The following MICALL2 variants were observed in gnomAD, a reference collection of about 807,000 sequenced individuals.
MICALL2 encodes the protein MICAL like 2.
In MICALL2, 111 loss-of-function variants were observed where a neutral mutation model predicts 91.1. That is an observed-to-expected ratio of 1.22 (90% CI 1.04 to 1.43). The LOEUF (loss-of-function observed/expected upper bound fraction) is 1.43. Among genes scored for constraint, MICALL2 ranks in the 40% most tolerant of loss-of-function variants. The probability of loss-of-function intolerance (pLI) is 0.00; values close to 1 mark genes in which losing one functional copy is unlikely to be tolerated. For missense variants in MICALL2, 1,556 were observed against 1,236.0 expected, an observed-to-expected ratio of 1.26 and a Z score of -3.88; for synonymous variants, 694 against 525.3, an observed-to-expected ratio of 1.32 and a Z score of -4.39.
At chr7:1,446,641 G>A (rs1413402198) in intron 5 of MICALL2, 72 bp downstream of exon 5, 4 of 1,131,670 alleles carry the variant, frequency 3.5e-6, no homozygotes, top group Admixed American at 2.0e-5. Context: ...CGGGTGGGAG[G>A]CGATGGGAGC....
At chr7:1,449,577 G>T (rs1167546509) in intron 2 of MICALL2, among the ~76,000 whole-genome samples, 1 of 152,284 alleles carries the variant, frequency 6.6e-6, no homozygotes, top group African/African-American at 2.4e-5. Flanking sequence ...CCCGTGCTGA[G>T]CAGGGCAGTG....
Position 1,448,779 on chromosome 7 carries a change from G to C in MICALL2, c.193-18C>G, listed in dbSNP as rs369554971. The C allele has an allele frequency of 1.0e-4, 161 of 1,611,128 alleles. 1 individual carries two copies. The highest frequency in any genetic ancestry group is 1.3e-4 in the Non-Finnish European group (153 of 1,179,214). Reference sequence around the variant, plus strand: ...CGGAAGGCCTGCGAAAGGTGGGAGGGGGTCAGCGGGGCAGCTGGGAGCCCC... The same window carrying C: ...CGGAAGGCCTGCGAAAGGTGGGAGGCGGTCAGCGGGGCAGCTGGGAGCCCC... On this transcript the variant is annotated intron_variant, in intron 2 of 16. Transcript: ENST00000297508.
chr7:1,439,843 A>C (rs1780195110), intron 9 of MICALL2, 82 bp downstream of exon 9: 2 of 1,226,160 alleles, frequency 1.6e-6, no homozygotes, highest in Admixed American at 3.9e-5. Flanking sequence ...AGGTGGCACT[A>C]CAGGTCCAGT....
At chr7:1,438,388 G>A (rs749022724) in intron 10 of MICALL2, 35 bp from the exon 11 acceptor site, 1 of 1,576,672 alleles carries the variant, frequency 6.3e-7, no homozygotes, top group Non-Finnish European at 8.6e-7. Flanking sequence ...CTGGGACCTG[G>A]GCCACCAGGC....
chr7:1,444,922 C>T lies in MICALL2; in HGVS notation c.1148G>A (p.Arg383Gln), dbSNP rs749801346. 3.3e-6 allele frequency: 5 copies of T among 1,536,266 alleles called. No individual in the cohort carries two copies. The highest frequency in any genetic ancestry group is 4.7e-5 in the East Asian group (2 of 42,148). The change falls in exon 6 of 17, where the codon CGA (arginine) becomes CAA (glutamine). Residue 383 changes from arginine to glutamine, a missense_variant. Coordinates refer to ENST00000297508, the MANE Select transcript of MICALL2 (RefSeq NM_182924.4). ...GAGTGTGGTTTGAGGAGCTGCCACT[C>T]GGGGGGCTCCCCCACCCTGGGGTGT... ...PATPQGGGAP[R>Q]VAAPQTTLSS...
At position 1,446,903 on chromosome 7, in the gene MICALL2, C is replaced by T. The variant is rs948505967; in HGVS notation, c.526-75G>A. On this transcript the variant is annotated intron_variant, in intron 4 of 16. Transcript: ENST00000297508. ...CTCCTGGTGGCAGCCCACAGGTGGC[C>T]GGAAGAGCCCATCTTACAGATGGAG... 9 of 1,038,784 alleles carry T rather than the reference C, an allele frequency of 8.7e-6. No individual in the cohort carries two copies. The South Asian group carries it at 9.3e-5, about 11-fold the overall frequency. 64.3% of individuals were successfully genotyped at this position (1,038,784 alleles called of 1,614,324 possible). A position where few individuals can be genotyped will look rare whatever the true frequency, so the allele number is the denominator to read the frequency against.
intron 1 of MICALL2, among the ~76,000 whole-genome samples, chr7:1,458,741 C>G (rs149549875): frequency 6.6e-6 from 1 of 152,232 alleles, no homozygotes; most frequent in Non-Finnish European, 1.5e-5. Context: ...GCCGCTCCCC[C>G]ACAGTGGCCC....
intron 10 of MICALL2, 183 bp downstream of exon 10, chr7:1,438,657 A>T: frequency 7.0e-7 from 1 of 1,425,156 alleles, no homozygotes; most frequent in Non-Finnish European, 9.1e-7. Flanking sequence ...AGGTACTCTG[A>T]AACAGCTAGG....
chr7:1,436,306 C>T (rs1032911524), intron 15 of MICALL2, among the ~76,000 whole-genome samples: 6 of 151,668 alleles, frequency 4.0e-5, no homozygotes, highest in Non-Finnish European at 7.4e-5. Context: ...CGCTTGAACT[C>T]GGCAGACGGA....
Position 1,446,813 on chromosome 7 carries a change from C to T in MICALL2, c.541G>A (p.Gly181Ser). Residue 181 changes from glycine to serine, a missense_variant, in exon 5 of 17, where the codon GGC becomes AGC. Physicochemically the swap from Gly to Ser is moderately conservative, Grantham distance 56 (BLOSUM62 0). Transcript: ENST00000297508. Reference protein sequence around the residue: ...PPPKTDQALAGSLVSSTCGVC... With the variant: ...PPPKTDQALASSLVSSTCGVC... The stretch of plus-strand genomic sequence containing the variant: ...CCGCAGGTGCTGCTGACCAAGCTGC[C>T]CGCCAATGCCTGGTCCTGGGGAAGA... 6.3e-7 allele frequency: 1 copy of T among 1,595,364 alleles called. No individual in the cohort carries two copies. The highest frequency in any genetic ancestry group is 1.3e-5 in the African/African-American group (1 of 74,710).
intron 5 of MICALL2, 152 bp from the exon 6 acceptor site, chr7:1,445,580 TGA>T: frequency 1.4e-6 from 1 of 706,802 alleles, no homozygotes; most frequent in South Asian, 1.9e-5. Flanking sequence ...CACGTGCTCC[TGA>T]GAGCAGGCAT....
At chr7:1,437,787 C>T in intron 13 of MICALL2, 103 bp downstream of exon 13, 1 of 1,277,382 alleles carries the variant, frequency 7.8e-7, no homozygotes, top group Non-Finnish European at 1.1e-6. Context: ...GCCGCACAGA[C>T]ATGCATCTGA....
At position 1,440,632 on chromosome 7, in the gene MICALL2, T is replaced by C. The variant is rs1174620120; in HGVS notation, c.1764A>G (p.Arg588=). The C allele has an allele frequency of 6.2e-7, 1 of 1,612,556 alleles. No individual in the cohort carries two copies. Among genetic ancestry groups the C allele is most frequent in the South Asian group, 1.1e-5 (1 of 91,076 alleles). ...TCCTGTCCACGGGCTTCAGATTCGC[T>C]CTCCATCCTGCCGGCCCGTCCTCCT... ...EGQEDGPAGW[R]ANLKPVDRRS... The change falls in exon 8 of 17, where the codon AGA becomes AGG. Residue 588 remains arginine, a synonymous_variant. Transcript: ENST00000297508.
Position 1,446,848 on chromosome 7 carries a change from C to T in MICALL2, c.526-20G>A. 3 of 1,523,768 alleles carry T rather than the reference C, an allele frequency of 2.0e-6. No individual in the cohort carries two copies. Among genetic ancestry groups the T allele is most frequent in the African/African-American group, 1.4e-5 (1 of 72,998 alleles). The allele number at this position is 1,523,768 out of a possible 1,614,324, so 94.4% of individuals were successfully genotyped here. On this transcript the variant is annotated intron_variant, in intron 4 of 16. Coordinates refer to ENST00000297508, the MANE Select transcript of MICALL2 (RefSeq NM_182924.4). ...CTGGTCCTGGGGAAGATGCCAGCAC[C>T]TCTCTGAGCAGCCGTCCACCCAGCC...
chr7:1,440,578 A>C lies in MICALL2; in HGVS notation c.1805+13T>G. Reference sequence around the variant, plus strand: ...GTGTACCAGGCCCTGGGCCAGCCCCACCCATCCCTAACCTCTCAGCTGGGC... The same window carrying C: ...GTGTACCAGGCCCTGGGCCAGCCCCCCCCATCCCTAACCTCTCAGCTGGGC... On this transcript the variant is annotated intron_variant, in intron 8 of 16. Coordinates refer to ENST00000297508, the MANE Select transcript of MICALL2 (RefSeq NM_182924.4). 1 of 1,605,414 alleles carries C rather than the reference A, an allele frequency of 6.2e-7. No homozygotes were observed. The highest frequency in any genetic ancestry group is 8.5e-7 in the Non-Finnish European group (1 of 1,174,358).
intron 1 of MICALL2, among the ~76,000 whole-genome samples, chr7:1,457,677 G>T (rs765667688): frequency 2.0e-5 from 3 of 152,232 alleles, no homozygotes; most frequent in Admixed American, 2.0e-4. Flanking sequence ...GAGCCGGCAG[G>T]GAGTACAGAG....
At chr7:1,448,513 T>TG (rs111737157) in intron 3 of MICALL2, 107 bp downstream of exon 3, 67,797 of 748,456 alleles carry the variant, frequency 0.091, 742 homozygotes, top group African/African-American at 0.22. Flanking sequence ...GGGCCATTCT[T>TG]GGGGGGGGGG....
intron 10 of MICALL2, 171 bp downstream of exon 10, chr7:1,438,669 T>TC: frequency 6.9e-7 from 1 of 1,439,198 alleles, no homozygotes; most frequent in Non-Finnish European, 9.1e-7. Context: ...ACAGCTAGGG[T>TC]CTCTATTCAT....
At position 1,451,229 on chromosome 7, in the gene MICALL2, C is replaced by T. The variant is rs1249649613; in HGVS notation, c.144-941G>A. Reference sequence around the variant, plus strand: ...ACGTGACCTCCAGCTGGTCCTGGGACTCCTGATGGGCACCTTGGGAGGATA... The same window carrying T: ...ACGTGACCTCCAGCTGGTCCTGGGATTCCTGATGGGCACCTTGGGAGGATA... On this transcript the variant is annotated intron_variant, in intron 1 of 16. Transcript: ENST00000297508. The surrounding 1 kb of genome is among the most constrained non-coding windows in gnomAD (Gnocchi z 4.5). Among the ~76,000 whole-genome samples, 5 of 152,154 alleles carry T rather than the reference C, an allele frequency of 3.3e-5. No individual in the cohort carries two copies. The highest frequency in any genetic ancestry group is 5.9e-5 in the Non-Finnish European group (4 of 68,028).
Sources: allele counts gnomAD v4.1 joint callset (sites outside exome capture counted in the v4.1 genomes callset), GRCh38; gene constraint gnomAD v4.1.1; non-coding constraint Gnocchi (gnomAD v3.1); transcripts MANE v1.5; gene names NCBI Gene and HGNC (gene_info 2026-07-23, HGNC 2026-07-21).